Variants in HP observed in about 807,000 individuals in gnomAD.
HP encodes haptoglobin alpha(1S)-beta.
A neutral mutation model predicts 23.2 loss-of-function variants in HP; 9 were observed. The ratio of observed to expected loss-of-function variants is 0.39; its 90% CI spans 0.23 to 0.68. The LOEUF (loss-of-function observed/expected upper bound fraction) is 0.68. Among genes scored for constraint, HP ranks in the 30% least tolerant of loss-of-function variants. The pLI, the probability that HP is intolerant of heterozygous loss-of-function variation, is 0.47. For synonymous variants in HP, 155 were observed against 183.3 expected (o/e 0.85, Z 1.25); for missense variants, 433 against 483.6 (o/e 0.90, Z 0.98).
In HP at chr16:72,060,372, A is replaced by G; in HGVS notation, c.703A>G (p.Lys235Glu). 1 of 1,613,770 alleles carries G rather than the reference A, an allele frequency of 6.2e-7. No individual in the cohort carries two copies. ...VGKKQLVEIEKVVLHPNYSQV... is the reference protein window; with the variant it reads ...VGKKQLVEIEEVVLHPNYSQV... ...GAAAAAGCAGCTTGTAGAGATTGAG[A>G]AGGTTGTTCTACACCCTAACTACTC... The change falls in exon 7 of 7, where the codon AAG becomes GAG. Residue 235 changes from lysine (K) to glutamate (E), a missense_variant. Physicochemically the swap from Lys to Glu is moderately conservative, Grantham distance 56. Transcript: ENST00000355906.
rs1437624254 is a variant in HP at position 72,060,582 on chromosome 16, G to T, written c.913G>T (p.Asp305Tyr). ...GAAGTATGTCATGCTGCCTGTGGCT[G>T]ACCAAGACCAATGCATAAGGCATTA... The part of the protein sequence containing the change: ...HLKYVMLPVA[D>Y]QDQCIRHYEG... Residue 305 changes from aspartate (D) to tyrosine (Y), a missense_variant, in exon 7 of 7, where the codon GAC (aspartate) becomes TAC (tyrosine). Coordinates refer to ENST00000355906, the MANE Select transcript of HP (RefSeq NM_005143.5). 6.2e-7 allele frequency: 1 copy of T among 1,614,146 alleles called. No homozygotes were observed. The highest frequency in any genetic ancestry group is 8.5e-7 in the Non-Finnish European group (1 of 1,180,032).
chr16:72,059,982 G>C, intron 6 of HP, 130 bp from the exon 7 acceptor site: 3 of 1,502,758 alleles, frequency 2.0e-6, no homozygotes, highest in Non-Finnish European at 2.7e-6. Flanking sequence ...AGATCAGCAG[G>C]TGGTAAGGGC....
At chr16:72,056,328 T>C in intron 2 of HP, 85 bp downstream of exon 2, 8 of 1,565,538 alleles carry the variant, frequency 5.1e-6, no homozygotes, top group Non-Finnish European at 6.1e-6. Context: ...AATTCCCCCT[T>C]CTTATCTCGA....
chr16:72,056,656 T>A, intron 3 of HP, 25 bp downstream of exon 3: 1 of 904,742 alleles, frequency 1.1e-6, no homozygotes, highest in Non-Finnish European at 1.6e-6. Flanking sequence ...ACTGTCTCCA[T>A]GCCCTACATA....
In HP at chr16:72,056,161, T is replaced by G; in HGVS notation, c.6T>G (p.Ser2Arg). 1 of 1,613,808 alleles carries G rather than the reference T, an allele frequency of 6.2e-7. No homozygotes were observed. Among genetic ancestry groups the G allele is most frequent in the Non-Finnish European group, 8.5e-7 (1 of 1,179,856 alleles). M[S>R]ALGAVIALLL... Reference sequence around the variant, plus strand: ...ACTCCTCCTTGTCTTCTCTCTGCAGTGCCCTGGGAGCTGTCATTGCCCTCC... The same window carrying G: ...ACTCCTCCTTGTCTTCTCTCTGCAGGGCCCTGGGAGCTGTCATTGCCCTCC... Residue 2 changes from serine (S) to arginine (R), a missense_variant and splice_region_variant, in exon 2 of 7, where the codon AGT (serine) becomes AGG (arginine). Around this residue, in one of 3 missense-constraint regions of HP, gnomAD observed 71 missense variants for 54.2 expected, o/e 1.31. Transcript: ENST00000355906.
chr16:72,059,869 A>T, intron 6 of HP: 1 of 894,868 alleles, frequency 1.1e-6, no homozygotes, highest in South Asian at 1.9e-5. Flanking sequence ...CAAAAATCTC[A>T]GTATTTCCCA....
intron 6 of HP, 155 bp downstream of exon 6, chr16:72,059,343 T>C: frequency 9.2e-7 from 1 of 1,084,970 alleles, no homozygotes; most frequent in Non-Finnish European, 1.3e-6. Context: ...AGCAGTTAGG[T>C]GATGACTCCC....
chr16:72,059,221 C>A, intron 6 of HP, 33 bp downstream of exon 6: 1 of 1,563,438 alleles, frequency 6.4e-7, no homozygotes, highest in South Asian at 1.1e-5. Context: ...AGCAGGCAGG[C>A]GTCCAGCGGG....
rs777670640 is a variant in HP, at chr16:72,058,264, C to T, written c.276C>T (p.Cys92=). ...KLPECEADDG[C]PKPPEIAHGY... is the part of the protein sequence containing the mutation. ...TCTCTCTCTTTGCAGATGACGGCTG[C>T]CCGAAGCCCCCCGAGATTGCACATG... is the stretch of plus-strand genomic sequence containing the variant. Residue 92 remains cysteine, a synonymous_variant, in exon 5 of 7, where the codon TGC becomes TGT. Transcript: ENST00000355906. 2.1e-6 allele frequency: 2 copies of T among 952,034 alleles called. No homozygotes were observed. The highest frequency in any genetic ancestry group is 3.3e-5 in the African/African-American group (1 of 30,552). 59.0% of individuals were successfully genotyped at this position (952,034 alleles called of 1,614,324 possible). A position where few individuals can be genotyped will look rare whatever the true frequency, so the allele number is the denominator to read the frequency against.
In HP at chr16:72,054,617, C is replaced by T; in HGVS notation, c.-36C>T. On this transcript the variant is annotated 5_prime_UTR_variant, in exon 1 of 7. Transcript: ENST00000355906. ...AGCATAAAAAGACCAGCAGATGCCC[C>T]ACAGCACTGCTCTTCCAGAGGCAAG... 1 of 1,608,338 alleles carries T rather than the reference C, an allele frequency of 6.2e-7. No homozygotes were observed. Among genetic ancestry groups the T allele is most frequent in the Non-Finnish European group, 8.5e-7 (1 of 1,177,072 alleles).
chr16:72,057,991 T>A, intron 4 of HP: 1 of 469,076 alleles, frequency 2.1e-6, no homozygotes, highest in Non-Finnish European at 3.7e-6. Flanking sequence ...ATCTACAAAA[T>A]CTGAGCTCCA....
chr16:72,056,301 T>G (rs756080501), intron 2 of HP, 58 bp downstream of exon 2: 1 of 1,576,216 alleles, frequency 6.3e-7, no homozygotes, highest in Non-Finnish European at 8.7e-7. Flanking sequence ...GGGTCTGCAC[T>G]CTCTCTGAGA....
At chr16:72,056,061 G>A (rs1303216050) in intron 1 of HP, 100 bp from the exon 2 acceptor site, 7 of 465,438 alleles carry the variant, frequency 1.5e-5, no homozygotes, top group African/African-American at 2.0e-5. Context: ...GTGTATGCAT[G>A]TGTGTGTGTG....
chr16:72,054,687 C>T (rs1173957098), intron 1 of HP, 30 bp downstream of exon 1: 2 of 1,612,294 alleles, frequency 1.2e-6, no homozygotes, highest in Non-Finnish European at 1.7e-6. Flanking sequence ...TCCTGCCTTT[C>T]CTCTGGTTCT....
intron 1 of HP, chr16:72,054,914 A>T (rs1440914342): frequency 1.6e-5 from 11 of 679,724 alleles, no homozygotes; most frequent in Non-Finnish European, 2.5e-5. Context: ...TTTATAGGGT[A>T]TGTCATCAGC....
At chr16:72,054,782 A>G in intron 1 of HP, 125 bp downstream of exon 1, 2 of 1,514,116 alleles carry the variant, frequency 1.3e-6, no homozygotes, top group Non-Finnish European at 1.8e-6. Context: ...ATAGTGAACC[A>G]AAGGGCTTAG....
At chr16:72,057,228 A>G in intron 3 of HP, 164 bp from the exon 4 acceptor site, 2 of 893,212 alleles carry the variant, frequency 2.2e-6, no homozygotes, top group Non-Finnish European at 3.5e-6. Context: ...CTTCCAGCAC[A>G]GCACTCTTTC....
At position 72,060,929 on chromosome 16, in the gene HP, T is replaced by G; in HGVS notation, c.*39T>G. 6.5e-7 allele frequency: 1 copy of G among 1,540,130 alleles called. No individual in the cohort carries two copies. Among genetic ancestry groups the G allele is most frequent in the Non-Finnish European group, 8.7e-7 (1 of 1,144,236 alleles). On this transcript the variant is annotated 3_prime_UTR_variant, in exon 7 of 7. Transcript: ENST00000355906. Reference sequence around the variant, plus strand: ...GGAAGCCCTTGCCTGAAAGCAAGATTTCAGCCTGGAAGAGGGCAAAGTGGA... The same window carrying G: ...GGAAGCCCTTGCCTGAAAGCAAGATGTCAGCCTGGAAGAGGGCAAAGTGGA...
chr16:72,060,084 C>T lies in HP; in HGVS notation c.443-28C>T. ...ATGGAAAGGCTCTTGCACATTTCCACTCACGAGTGTCTTGCTCTCCTTGAC... is the reference window on the plus strand; with the variant it reads ...ATGGAAAGGCTCTTGCACATTTCCATTCACGAGTGTCTTGCTCTCCTTGAC... On this transcript the variant is annotated intron_variant, in intron 6 of 6. Coordinates refer to ENST00000355906, the MANE Select transcript of HP (RefSeq NM_005143.5). 4 of 1,606,028 alleles carry T rather than the reference C, an allele frequency of 2.5e-6. No individual in the cohort carries two copies. In the South Asian group the frequency reaches 4.4e-5, roughly 18 times the overall value.
Sources: gnomAD v4.1 joint callset for allele counts on GRCh38, gnomAD v4.1.1 for gene constraint, gnomAD v4.1.1 regional missense constraint, MANE v1.5 for transcripts, NCBI Gene and HGNC (gene_info 2026-07-23, HGNC 2026-07-21) for gene names.